Variants in QTMAN observed in about 807,000 individuals in gnomAD.
QTMAN encodes tRNA-queuosine alpha-mannosyltransferase.
At chr2:144,079,465 T>C in the QTMAN span, among the ~76,000 whole-genome samples, 1 of 152,102 alleles carries the variant, frequency 6.6e-6, no homozygotes, top group Non-Finnish European at 1.5e-5. Context: ...TGATAAAAAC[T>C]TGAGAGCAAG....
At chr2:144,210,832 C>T in the QTMAN span, 1 of 152,088 alleles carries the variant, frequency 6.6e-6, no homozygotes, top group African/African-American at 2.4e-5. Flanking sequence ...TTGATCACAT[C>T]GTAGATATCT....
the QTMAN span, chr2:143,938,702 A>C: frequency 1.3e-5 from 2 of 152,124 alleles, no homozygotes; most frequent in African/African-American, 4.8e-5. Flanking sequence ...TAAAATTTCC[A>C]AGTCCTTTTT....
chr2:144,244,680 T>C, the QTMAN span, among the ~76,000 whole-genome samples: 2 of 152,174 alleles, frequency 1.3e-5, no homozygotes, highest in Non-Finnish European at 2.9e-5. Context: ...TAAACGCAAA[T>C]AATAATCTTA....
chr2:144,113,036 A>G, the QTMAN span, among the ~76,000 whole-genome samples: 2 of 152,310 alleles, frequency 1.3e-5, no homozygotes, highest in African/African-American at 2.4e-5. Flanking sequence ...GTCTCATAAC[A>G]TAAGATCCCA....
chr2:144,078,669 T>C, the QTMAN span, among the ~76,000 whole-genome samples: 1 of 152,176 alleles, frequency 6.6e-6, no homozygotes, highest in Non-Finnish European at 1.5e-5. Flanking sequence ...TTGCTATCTA[T>C]GGAACAGATA....
the QTMAN span, among the ~76,000 whole-genome samples, chr2:144,249,858 T>C: frequency 6.6e-6 from 1 of 152,188 alleles, no homozygotes; most frequent in South Asian, 2.1e-4. Context: ...AGGTTTATTT[T>C]ACAAAAATTC....
At chr2:144,243,788 A>C in the QTMAN span, among the ~76,000 whole-genome samples, 2 of 152,256 alleles carry the variant, frequency 1.3e-5, no homozygotes, top group Admixed American at 6.5e-5. Context: ...TTCTTTAATA[A>C]TATAAACTAT....
the QTMAN span, among the ~76,000 whole-genome samples, chr2:144,182,804 A>AT: frequency 7.2e-5 from 1 of 13,830 alleles, no homozygotes; most frequent in Non-Finnish European, 3.6e-4. Flanking sequence ...TATATTATAT[A>AT]TATAATATAT....
At chr2:144,109,203 A>T in the QTMAN span, among the ~76,000 whole-genome samples, 1 of 152,226 alleles carries the variant, frequency 6.6e-6, no homozygotes, top group Non-Finnish European at 1.5e-5. Context: ...AGAGAAATAG[A>T]CCAATGTAAT....
At chr2:144,235,899 T>C in the QTMAN span, among the ~76,000 whole-genome samples, 1 of 151,988 alleles carries the variant, frequency 6.6e-6, no homozygotes, top group Non-Finnish European at 1.5e-5. Context: ...TGAGTGCTTC[T>C]AAGGTTATTC....
At chr2:144,274,066 A>G in the QTMAN span, among the ~76,000 whole-genome samples, 3 of 152,116 alleles carry the variant, frequency 2.0e-5, no homozygotes. Flanking sequence ...CCCGGGAGGC[A>G]GAGGTTGCAG....
chr2:144,241,115 G>A, the QTMAN span, among the ~76,000 whole-genome samples: 1 of 152,176 alleles, frequency 6.6e-6, no homozygotes, highest in African/African-American at 2.4e-5. Flanking sequence ...ACTGGTTCTC[G>A]AAGTGTGGTC....
chr2:144,011,519 T>TA, the QTMAN span: 2 of 559,276 alleles, frequency 3.6e-6, no homozygotes, highest in Non-Finnish European at 4.5e-6. Flanking sequence ...GGCATAATAC[T>TA]AACAAGCAGT....
the QTMAN span, among the ~76,000 whole-genome samples, chr2:144,077,718 T>A: frequency 6.6e-6 from 1 of 152,316 alleles, no homozygotes; most frequent in South Asian, 2.1e-4. Context: ...GGCAAAAGAA[T>A]GATTGTTATC....
the QTMAN span, among the ~76,000 whole-genome samples, chr2:144,111,790 G>A: frequency 2.6e-5 from 4 of 152,302 alleles, no homozygotes; most frequent in African/African-American, 9.6e-5. Flanking sequence ...CTGGACAGAG[G>A]AACCGCTCTT....
At chr2:144,298,050 G>A in the QTMAN span, among the ~76,000 whole-genome samples, 6 of 148,132 alleles carry the variant, frequency 4.1e-5, no homozygotes, top group East Asian at 2.0e-4. Context: ...ATGGAGTCTC[G>A]CTCTGTCGCC....
chr2:144,213,990 T>C, the QTMAN span, among the ~76,000 whole-genome samples: 1 of 152,118 alleles, frequency 6.6e-6, no homozygotes, highest in African/African-American at 2.4e-5. Flanking sequence ...GAAAAGTTAG[T>C]ATTACCTTCC....
At chr2:144,287,481 T>C in the QTMAN span, among the ~76,000 whole-genome samples, 10 of 151,474 alleles carry the variant, frequency 6.6e-5, no homozygotes, top group Admixed American at 1.3e-4. Context: ...TGTATGAACA[T>C]AATATGTTCT....
chr2:144,130,708 C>T, the QTMAN span, among the ~76,000 whole-genome samples: 1 of 151,774 alleles, frequency 6.6e-6, no homozygotes, highest in African/African-American at 2.4e-5. Flanking sequence ...GAAATTACTC[C>T]CCCTACTTGA....
Sources: allele counts gnomAD v4.1 joint callset (sites outside exome capture counted in the v4.1 genomes callset), GRCh38; gene constraint gnomAD v4.1.1; transcripts MANE v1.5; gene names NCBI Gene and HGNC (gene_info 2026-07-23, HGNC 2026-07-21).